IL16: variants seen among roughly 807,000 people sequenced by gnomAD.
IL16 encodes interleukin 16.
In IL16, 67 loss-of-function variants were observed where a neutral mutation model predicts 110.1. That is an observed-to-expected ratio of 0.61 (90% CI 0.50 to 0.75). The LOEUF (loss-of-function observed/expected upper bound fraction) is 0.75, where lower values mean the gene tolerates loss of function less well. Among genes scored for constraint, IL16 ranks in the 30% least tolerant of loss-of-function variants. The pLI is 0.00. For synonymous variants in IL16, 689 were observed against 662.9 expected, an observed-to-expected ratio of 1.04 and a Z score of -0.61; for missense variants, 1,545 against 1,655.0, an observed-to-expected ratio of 0.93 and a Z score of 1.15.
At chr15:81,253,631 T>G (rs1206033075) in intron 2 of IL16, among the ~76,000 whole-genome samples, 1 of 152,204 alleles carries the variant, frequency 6.6e-6, no homozygotes, top group Non-Finnish European at 1.5e-5. Flanking sequence ...TGAGGTCCTT[T>G]TTGTGTATGG....
rs1394921273 is a variant in IL16, at chr15:81,313,624, C to T, written c.*4826C>T. On this transcript the variant is annotated 3_prime_UTR_variant, in exon 19 of 19. Transcript: ENST00000683961. ...GATGCATTCCACAGCCTCTCCCGGC[C>T]TCCAGGGAGGAAGAAGTCCCTACTC... 5.6e-6 allele frequency: 2 copies of T among 357,236 alleles called. No individual in the cohort carries two copies. The highest frequency in any genetic ancestry group is 9.9e-6 in the Non-Finnish European group (2 of 201,964). The allele number at this position is 357,236 out of a possible 1,614,324, so 22.1% of individuals were successfully genotyped here. A position where few individuals can be genotyped will look rare whatever the true frequency, so the allele number is the denominator to read the frequency against.
Position 81,209,981 on chromosome 15 carries a change from G to T in IL16, c.-102+12829G>T, listed in dbSNP as rs146408366. On this transcript the variant is annotated intron_variant, in intron 1 of 18. Transcript: ENST00000683961. ...AGGGTACTTCTTAAGTTTTCCTCTA[G>T]GATTTTTATAGTTTGAGATCTTATA... is the stretch of plus-strand genomic sequence containing the variant. Among the ~76,000 whole-genome samples the T allele has an allele frequency of 8.1e-3, 1,227 of 152,270 alleles. 12 individuals carry two copies. The highest frequency in any genetic ancestry group is 0.028 in the African/African-American group (1,157 of 41,544).
intron 9 of IL16, 133 bp downstream of exon 9, chr15:81,282,889 C>A: frequency 2.6e-6 from 2 of 778,558 alleles, no homozygotes; most frequent in East Asian, 2.5e-5. Context: ...CCGCTCCGCC[C>A]GCCAGGACAC....
chr15:81,256,464 G>A (rs868168978), intron 2 of IL16, among the ~76,000 whole-genome samples: 2 of 151,568 alleles, frequency 1.3e-5, no homozygotes, highest in South Asian at 2.1e-4. Context: ...CTCCCAAGTA[G>A]CTGGGACCAC....
intron 2 of IL16, among the ~76,000 whole-genome samples, chr15:81,243,165 T>TATATATA (rs1595985718): frequency 3.7e-4 from 5 of 13,364 alleles, no homozygotes; most frequent in African/African-American, 1.9e-3. Context: ...ATATATATAT[T>TATATATA]TTTTTTTTTT....
At chr15:81,202,783 A>G (rs1895867912) in intron 1 of IL16, among the ~76,000 whole-genome samples, 1 of 152,202 alleles carries the variant, frequency 6.6e-6, no homozygotes, top group African/African-American at 2.4e-5. Context: ...CCCAATAAAC[A>G]TACGTGTGCA....
intron 1 of IL16, among the ~76,000 whole-genome samples, chr15:81,221,773 C>T (rs1453626126): frequency 6.6e-6 from 1 of 152,184 alleles, no homozygotes; most frequent in East Asian, 1.9e-4. Flanking sequence ...TGGTTCATTG[C>T]CATCTCCCAT....
At position 81,313,176 on chromosome 15, in the gene IL16, C is replaced by T. The variant is rs1189780519; in HGVS notation, c.*4378C>T. 7.0e-6 allele frequency: 10 copies of T among 1,435,710 alleles called. No homozygotes were observed. Among genetic ancestry groups the T allele is most frequent in the Middle Eastern group, 1.8e-4 (1 of 5,406 alleles). 88.9% of individuals were successfully genotyped at this position (1,435,710 alleles called of 1,614,324 possible). A position where few individuals can be genotyped will look rare whatever the true frequency, so the allele number is the denominator to read the frequency against. The stretch of plus-strand genomic sequence containing the variant: ...AAGAGTGAACACAGGCCTCTGCGTG[C>T]TCCCAGGCTCCTTGGTGTCCCAACA... On this transcript the variant is annotated 3_prime_UTR_variant, in exon 19 of 19. Coordinates refer to ENST00000683961, the MANE Select transcript of IL16 (RefSeq NM_172217.5).
intron 2 of IL16, among the ~76,000 whole-genome samples, chr15:81,256,494 G>A (rs537926350): frequency 2.0e-5 from 3 of 151,916 alleles, no homozygotes; most frequent in Admixed American, 6.6e-5. Context: ...CCAACATGCC[G>A]GCTAGTTTTT....
At chr15:81,192,130 A>ATAATCATG (rs1035596676), upstream of IL16, among the ~76,000 whole-genome samples, 6 of 152,242 alleles carry the variant, frequency 3.9e-5, no homozygotes, top group African/African-American at 1.4e-4. Flanking sequence ...ACTTTAGCTA[A>ATAATCATG]TAATCATGTA....
chr15:81,271,292 T>G (rs1898626349), intron 5 of IL16, among the ~76,000 whole-genome samples: 1 of 150,214 alleles, frequency 6.7e-6, no homozygotes, highest in Non-Finnish European at 1.5e-5. Context: ...TAAAATAAAA[T>G]AATAAAATAA....
intron 3 of IL16, among the ~76,000 whole-genome samples, chr15:81,261,751 A>G (rs932700729): frequency 1.3e-5 from 2 of 151,966 alleles, no homozygotes; most frequent in Non-Finnish European, 2.9e-5. Flanking sequence ...CCTGATTGAT[A>G]CACTGATAAA....
intron 6 of IL16, among the ~76,000 whole-genome samples, chr15:81,278,163 A>T (rs570300368): frequency 6.6e-6 from 1 of 152,264 alleles, no homozygotes; most frequent in South Asian, 2.1e-4. Context: ...TCCAAACCAC[A>T]TCCACTGAGC....
upstream of IL16, among the ~76,000 whole-genome samples, chr15:81,194,931 C>T (rs140516254): frequency 4.0e-3 from 604 of 152,238 alleles, 10 homozygotes; most frequent in East Asian, 6.6e-3. Flanking sequence ...CTAGTTCTAA[C>T]CAGGGCGGGG....
chr15:81,249,036 A>AT (rs1179831004), intron 2 of IL16, among the ~76,000 whole-genome samples: 1 of 152,018 alleles, frequency 6.6e-6, no homozygotes, highest in Non-Finnish European at 1.5e-5. Context: ...TATTTCTGTG[A>AT]TTTTATGGTG....
intron 1 of IL16, among the ~76,000 whole-genome samples, chr15:81,189,696 T>C (rs1895470013): frequency 6.6e-6 from 1 of 152,146 alleles, no homozygotes; most frequent in Admixed American, 6.5e-5. Flanking sequence ...GCAGGGCTTG[T>C]TGAAGCTCTT....
intron 10 of IL16, among the ~76,000 whole-genome samples, chr15:81,288,423 A>G (rs1899549027): frequency 6.6e-6 from 1 of 152,212 alleles, no homozygotes; most frequent in Non-Finnish European, 1.5e-5. Context: ...CGCAGACTTT[A>G]AATGATTTAT....
Position 81,285,695 on chromosome 15 carries a change from C to T in IL16, c.1200-3C>T, listed in dbSNP as rs1256480134. 1.2e-6 allele frequency: 2 copies of T among 1,613,660 alleles called. No homozygotes were observed. Among genetic ancestry groups the T allele is most frequent in the Non-Finnish European group, 1.7e-6 (2 of 1,179,840 alleles). On this transcript the variant is annotated splice_region_variant and splice_polypyrimidine_tract_variant and intron_variant, in intron 9 of 18. Coordinates refer to ENST00000683961, the MANE Select transcript of IL16 (RefSeq NM_172217.5). ...TGATGGCTTCTTATTGATGCTTGCA[C>T]AGGTGTGGGGACGAGATTGTGGAAA...
At chr15:81,293,124 G>A (rs1899820378) in intron 12 of IL16, 87 bp downstream of exon 12, 1 of 1,411,212 alleles carries the variant, frequency 7.1e-7, no homozygotes, top group Middle Eastern at 2.5e-4. Context: ...GTGTTAGCAG[G>A]GCCAGAATGA....
Sources: allele counts gnomAD v4.1 joint callset (sites outside exome capture counted in the v4.1 genomes callset), GRCh38; gene constraint gnomAD v4.1.1; transcripts MANE v1.5; gene names NCBI Gene and HGNC (gene_info 2026-07-23, HGNC 2026-07-21).